Variants in NALF1 observed in about 807,000 individuals in gnomAD.
NALF1 encodes the protein NALCN channel auxiliary factor 1, also known as family with sequence similarity 155 member A.
In NALF1, 3 loss-of-function variants were observed where a neutral mutation model predicts 48.4. That is an observed-to-expected ratio of 0.06 (90% CI 0.03 to 0.16). The LOEUF (loss-of-function observed/expected upper bound fraction) is 0.16. Among genes scored for constraint, NALF1 ranks in the 10% least tolerant of loss-of-function variants. The pLI is 1.00. For missense variants in NALF1, 526 were observed against 571.5 expected, an observed-to-expected ratio of 0.92 and a Z score of 0.81; for synonymous variants, 262 against 245.7, an observed-to-expected ratio of 1.07 and a Z score of -0.62.
At chr13:107,612,585 A>T (rs1431414336) in intron 1 of NALF1, among the ~76,000 whole-genome samples, 3 of 152,064 alleles carry the variant, frequency 2.0e-5, no homozygotes, top group Non-Finnish European at 4.4e-5. Flanking sequence ...TCAGTTGAAG[A>T]TCTCAATAGA....
chr13:107,431,267 T>G (rs1281557617), intron 1 of NALF1, among the ~76,000 whole-genome samples: 1 of 152,156 alleles, frequency 6.6e-6, no homozygotes, highest in African/African-American at 2.4e-5. Context: ...AACAGTGTCC[T>G]TCCTAATGAC....
intron 1 of NALF1, among the ~76,000 whole-genome samples, chr13:107,560,533 G>A (rs6492059): frequency 0.46 from 69,493 of 151,794 alleles, 16,893 homozygotes; most frequent in Non-Finnish European, 0.53. Flanking sequence ...TTTTTTAAAG[G>A]TTCTGAACTA....
At chr13:107,735,519 C>T (rs72657222) in intron 1 of NALF1, among the ~76,000 whole-genome samples, 2,029 of 152,248 alleles carry the variant, frequency 0.013, 26 homozygotes, top group Non-Finnish European at 0.02. Flanking sequence ...CCCCCATCTG[C>T]GCACACATAT....
chr13:107,565,515 T>G (rs1356149921), intron 1 of NALF1, among the ~76,000 whole-genome samples: 1 of 152,176 alleles, frequency 6.6e-6, no homozygotes, highest in Non-Finnish European at 1.5e-5. Flanking sequence ...CTATTTTCCA[T>G]GAACCAGAGA....
intron 1 of NALF1, among the ~76,000 whole-genome samples, chr13:107,665,075 C>T (rs899543824): frequency 1.3e-5 from 2 of 152,230 alleles, no homozygotes; most frequent in East Asian, 1.9e-4. Flanking sequence ...TTTGAACTCC[C>T]TAATATCATT....
intron 1 of NALF1, among the ~76,000 whole-genome samples, chr13:107,837,505 C>T (rs1036120973): frequency 2.6e-5 from 4 of 152,292 alleles, no homozygotes; most frequent in Admixed American, 6.5e-5. Context: ...TTTCCTTACG[C>T]ATCTACCTGT....
intron 1 of NALF1, among the ~76,000 whole-genome samples, chr13:107,855,335 T>C (rs1011670877): frequency 3.3e-5 from 5 of 152,090 alleles, no homozygotes; most frequent in African/African-American, 9.7e-5. Flanking sequence ...CCAACACAAA[T>C]TCACAAACTT....
chr13:107,722,917 A>G (rs936678558), intron 1 of NALF1, among the ~76,000 whole-genome samples: 41 of 152,330 alleles, frequency 2.7e-4, no homozygotes, highest in African/African-American at 8.4e-4. Flanking sequence ...TCTGAGCACA[A>G]TGCTGGTGCA....
chr13:107,187,470 T>C (rs1200714812), intron 2 of NALF1, among the ~76,000 whole-genome samples: 1 of 152,146 alleles, frequency 6.6e-6, no homozygotes, highest in East Asian at 1.9e-4. Flanking sequence ...GGTGAGGGGA[T>C]GGGAAACAAG....
At chr13:107,771,584 T>C (rs1036850308) in intron 1 of NALF1, among the ~76,000 whole-genome samples, 62 of 151,404 alleles carry the variant, frequency 4.1e-4, no homozygotes, top group African/African-American at 1.4e-3. Flanking sequence ...TTTGAGTCAG[T>C]GTTGGGAAAA....
Position 107,867,304 on chromosome 13 carries a change from T to TGCCGCCGCCGCCGCCGCCGCC in NALF1, c.-729_-709dup, listed in dbSNP as rs71121563. On this transcript the variant is annotated 5_prime_UTR_variant, in exon 1 of 3. Transcript: ENST00000375915. This position sits in a 1 kb window ranked among gnomAD's most constrained non-coding sequence, Gnocchi z 4.4. ...ACCCCCCACCCCGCGCTCTAAGTGC[T>TGCCGCCGCCGCCGCCGCCGCC]GCCGCCGCCGCCGCCGCCGCCGCCG... is the stretch of plus-strand genomic sequence containing the variant. Among the ~76,000 whole-genome samples the TGCCGCCGCCGCCGCCGCCGCC allele has an allele frequency of 9.7e-6, 1 of 103,502 alleles. No individual in the cohort carries two copies. Among genetic ancestry groups the TGCCGCCGCCGCCGCCGCCGCC allele is most frequent in the African/African-American group, 3.8e-5 (1 of 26,028 alleles). The allele number at this position is 103,502 out of a possible 152,430, so 67.9% of individuals were successfully genotyped here.
At chr13:107,474,966 AT>A (rs1304920400) in intron 1 of NALF1, among the ~76,000 whole-genome samples, 3 of 152,270 alleles carry the variant, frequency 2.0e-5, no homozygotes, top group Non-Finnish European at 4.4e-5. Context: ...AGGCTGTCAC[AT>A]TTTCCTGAAA....
At chr13:107,552,612 C>T (rs199640411) in intron 1 of NALF1, among the ~76,000 whole-genome samples, 7 of 152,118 alleles carry the variant, frequency 4.6e-5, no homozygotes, top group East Asian at 3.9e-4. Flanking sequence ...ACAGGCACCA[C>T]GGAGTCCCCA....
intron 2 of NALF1, among the ~76,000 whole-genome samples, chr13:107,192,463 C>T (rs777197051): frequency 2.0e-5 from 3 of 152,186 alleles, no homozygotes; most frequent in Non-Finnish European, 4.4e-5. Flanking sequence ...CTTGAGTCAA[C>T]ACCACTAGAG....
chr13:107,258,166 C>G (rs1427896279), intron 1 of NALF1, among the ~76,000 whole-genome samples: 5 of 151,968 alleles, frequency 3.3e-5, no homozygotes, highest in Non-Finnish European at 7.4e-5. Context: ...TTGTTCTGAC[C>G]TTATTGGTCA....
chr13:107,498,879 C>T (rs74336895), intron 1 of NALF1, among the ~76,000 whole-genome samples: 5 of 152,166 alleles, frequency 3.3e-5, no homozygotes, highest in East Asian at 3.9e-4. Context: ...CAGCTAGAAG[C>T]GCAGTTTTCA....
At chr13:107,410,199 C>T (rs1774541411) in intron 1 of NALF1, among the ~76,000 whole-genome samples, 1 of 152,108 alleles carries the variant, frequency 6.6e-6, no homozygotes, top group Admixed American at 6.6e-5. Context: ...GTTGATGCAG[C>T]CATGAATGCT....
chr13:107,195,411 C>T (rs1042233788), intron 2 of NALF1, among the ~76,000 whole-genome samples: 2 of 152,172 alleles, frequency 1.3e-5, no homozygotes, highest in African/African-American at 4.8e-5. Context: ...ATGAATTAAA[C>T]CTTCACCATG....
At chr13:107,287,610 G>A (rs543314344) in intron 1 of NALF1, among the ~76,000 whole-genome samples, 103 of 151,904 alleles carry the variant, frequency 6.8e-4, no homozygotes, top group Non-Finnish European at 1.2e-3. Flanking sequence ...GTATCACCAC[G>A]CCTAGATGAT....
Sources: gnomAD v4.1 joint callset for allele counts (sites outside exome capture counted in the v4.1 genomes callset) on GRCh38, gnomAD v4.1.1 for gene constraint, Gnocchi (gnomAD v3.1) non-coding constraint, MANE v1.5 for transcripts, NCBI Gene and HGNC (gene_info 2026-07-23, HGNC 2026-07-21) for gene names.